The following IGSF10 variants were observed in gnomAD, a reference collection of about 807,000 sequenced individuals.
The protein encoded by IGSF10 is immunoglobulin superfamily member 10.
In IGSF10, 126 loss-of-function variants were observed where a neutral mutation model predicts 128.2. The ratio of observed to expected loss-of-function variants is 0.98; its 90% confidence interval spans 0.85 to 1.14. The LOEUF (loss-of-function observed/expected upper bound fraction) is 1.14, where lower values mean the gene tolerates loss of function less well. Ranked by LOEUF, IGSF10 falls within the 50% of genes most tolerant of loss-of-function variation. The probability of loss-of-function intolerance (pLI) is 0.00; values close to 1 mark genes in which losing one functional copy is unlikely to be tolerated. For missense variants in IGSF10, 3,295 were observed against 3,149.8 expected, an observed-to-expected ratio of 1.05 and a Z score of -1.10; for synonymous variants, 1,185 against 1,146.2, an observed-to-expected ratio of 1.03 and a Z score of -0.68.
At position 151,444,985 on chromosome 3, in the gene IGSF10, C is replaced by T. The variant is rs750334219; in HGVS notation, c.4996G>A (p.Ala1666Thr). The change falls in exon 6 of 8, where the codon GCC becomes ACC. Residue 1666 changes from alanine to threonine, a missense_variant. By Grantham distance (58) the Ala-to-Thr change is moderately conservative. Coordinates refer to ENST00000282466, the MANE Select transcript of IGSF10 (RefSeq NM_178822.5). ...ASFTIPANSDAFLPCEAVGNP... is the reference protein window; with the variant it reads ...ASFTIPANSDTFLPCEAVGNP... ...CCAACAGCTTCACAGGGAAGAAAGG[C>T]ATCTGAGTTAGCTGGAATAGTAAAA... is the stretch of plus-strand genomic sequence containing the variant. 3.7e-6 allele frequency: 6 copies of T among 1,613,976 alleles called. No individual in the cohort carries two copies. In the Admixed American group the frequency reaches 1.0e-4, roughly 27 times the overall value.
At chr3:151,444,807 C>A in intron 6 of IGSF10, 112 bp downstream of exon 6, 1 of 981,730 alleles carries the variant, frequency 1.0e-6, no homozygotes, top group Non-Finnish European at 1.5e-6. Flanking sequence ...GTTTCTTTGT[C>A]TTAGAAAAAT....
chr3:151,550,165 GA>G, the IGSF10 span, among the ~76,000 whole-genome samples: 1 of 152,110 alleles, frequency 6.6e-6, no homozygotes, highest in Non-Finnish European at 1.5e-5. Context: ...AATAGTAAGA[GA>G]AAAATGAATC....
chr3:151,614,055 A>C, the IGSF10 span, among the ~76,000 whole-genome samples: 2 of 152,378 alleles, frequency 1.3e-5, no homozygotes, highest in East Asian at 1.9e-4. Context: ...ATGCAGGCAA[A>C]AAACACATGA....
chr3:151,534,354 T>C, the IGSF10 span, among the ~76,000 whole-genome samples: 2 of 152,116 alleles, frequency 1.3e-5, no homozygotes, highest in East Asian at 1.9e-4. Flanking sequence ...CACATGCACA[T>C]GTATGTTTAT....
rs1720608383 is a variant in IGSF10, at chr3:151,438,607, A to C, written c.5964-10T>G. 6.3e-6 allele frequency: 10 copies of C among 1,599,522 alleles called. No individual in the cohort carries two copies. Among genetic ancestry groups the C allele is most frequent in the Non-Finnish European group, 8.5e-6 (10 of 1,170,254 alleles). On this transcript the variant is annotated splice_polypyrimidine_tract_variant and intron_variant, in intron 7 of 7. Coordinates refer to ENST00000282466, the MANE Select transcript of IGSF10 (RefSeq NM_178822.5). ...GATCCAGCTGCCCACTCTAAGGAGA[A>C]AAGAGATTCATTTGAGTGTGCAGCT...
intron 4 of IGSF10, among the ~76,000 whole-genome samples, chr3:151,456,407 TTAATAG>T (rs1259770241): frequency 6.6e-6 from 1 of 152,240 alleles, no homozygotes. Context: ...AGTTTAAGTT[TTAATAG>T]ATGTCATGTA....
Position 151,436,981 on chromosome 3 carries a change from G to C in IGSF10, c.7580C>G (p.Pro2527Arg), listed in dbSNP as rs763220754. The C allele has an allele frequency of 3.7e-6, 6 of 1,614,088 alleles. 1 individual carries two copies. The South Asian group carries it at 5.5e-5, about 15-fold the overall frequency. Residue 2527 changes from proline (P) to arginine (R), a missense_variant, in exon 8 of 8, where the codon CCT becomes CGT. Physicochemically the swap from Pro to Arg is moderately radical, Grantham distance 103. Transcript: ENST00000282466. ...ITVPVMIVAY[P>R]PRITNRPPRS... Reference sequence around the variant, plus strand: ...GGGTGGACGATTTGTAATTCGGGGAGGGTAGGCTACAATCATTACTGGAAC... The same window carrying C: ...GGGTGGACGATTTGTAATTCGGGGACGGTAGGCTACAATCATTACTGGAAC...
At chr3:151,534,416 A>T in the IGSF10 span, among the ~76,000 whole-genome samples, 3 of 152,242 alleles carry the variant, frequency 2.0e-5, no homozygotes, top group East Asian at 5.8e-4. Context: ...AATGCCCATC[A>T]ATGATAGACC....
In IGSF10 at chr3:151,437,098, T is replaced by C. The variant is rs774547720; in HGVS notation, c.7463A>G (p.Asn2488Ser). 38 of 1,614,210 alleles carry C rather than the reference T, an allele frequency of 2.4e-5. No homozygotes were observed. The highest frequency in any genetic ancestry group is 3.0e-5 in the Non-Finnish European group (35 of 1,180,026). ...TGCTTCTTTAATGACTAAGGTGCCA[T>C]TGTCATGCAATATGTATTTCCCATT... ...QINGKYILHD[N>S]GTLVIKEATA... is the part of the protein sequence containing the mutation. The change falls in exon 8 of 8, where the codon AAT (asparagine) becomes AGT (serine). Residue 2488 changes from asparagine (N) to serine (S), a missense_variant. Coordinates refer to ENST00000282466, the MANE Select transcript of IGSF10 (RefSeq NM_178822.5).
the IGSF10 span, among the ~76,000 whole-genome samples, chr3:151,493,985 C>A: frequency 1.3e-5 from 2 of 151,848 alleles, no homozygotes; most frequent in Non-Finnish European, 2.9e-5. Context: ...AACAGTAGAA[C>A]TCAAGAGCAT....
chr3:151,568,209 T>C, the IGSF10 span, among the ~76,000 whole-genome samples: 2 of 152,194 alleles, frequency 1.3e-5, no homozygotes, highest in Non-Finnish European at 2.9e-5. Context: ...GTATTTATGA[T>C]TATTATAATA....
At chr3:151,497,578 G>A in the IGSF10 span, among the ~76,000 whole-genome samples, 1 of 152,172 alleles carries the variant, frequency 6.6e-6, no homozygotes, top group Non-Finnish European at 1.5e-5. Flanking sequence ...GGTTACTGTA[G>A]CCTTGTAGTA....
intron 4 of IGSF10, 47 bp downstream of exon 4, chr3:151,456,979 G>T (rs1560182770): frequency 1.2e-6 from 2 of 1,607,208 alleles, no homozygotes; most frequent in Admixed American, 3.3e-5. Flanking sequence ...TATCTCACAG[G>T]TCCCACCTTA....
the IGSF10 span, among the ~76,000 whole-genome samples, chr3:151,600,127 A>G: frequency 1.3e-5 from 2 of 152,108 alleles, no homozygotes; most frequent in Admixed American, 6.6e-5. Flanking sequence ...TTTGTTTTCT[A>G]TTTTTATCAG....
chr3:151,454,191 T>G (rs1721666006), intron 4 of IGSF10, among the ~76,000 whole-genome samples: 1 of 151,904 alleles, frequency 6.6e-6, no homozygotes, highest in Non-Finnish European at 1.5e-5. Context: ...CTAATTTTTG[T>G]AGTTTTAGTA....
the IGSF10 span, among the ~76,000 whole-genome samples, chr3:151,502,271 A>G: frequency 2.6e-5 from 4 of 152,030 alleles, no homozygotes; most frequent in Admixed American, 1.3e-4. Flanking sequence ...AGTATCAACA[A>G]CAAGTTCAGG....
At chr3:151,597,208 G>A in the IGSF10 span, among the ~76,000 whole-genome samples, 4 of 152,174 alleles carry the variant, frequency 2.6e-5, no homozygotes, top group Non-Finnish European at 5.9e-5. Context: ...GCACTGTGTA[G>A]GTGTTGTGGA....
At chr3:151,562,062 C>T in the IGSF10 span, among the ~76,000 whole-genome samples, 1 of 152,070 alleles carries the variant, frequency 6.6e-6, no homozygotes, top group Non-Finnish European at 1.5e-5. Flanking sequence ...GCTGCATTCC[C>T]AGGAGGATAA....
the IGSF10 span, among the ~76,000 whole-genome samples, chr3:151,612,332 A>G: frequency 6.6e-6 from 1 of 152,198 alleles, no homozygotes; most frequent in Non-Finnish European, 1.5e-5. Context: ...TTCATAGTAC[A>G]ATCCTAGGCT....
Sources: gnomAD v4.1 joint callset for allele counts (sites outside exome capture counted in the v4.1 genomes callset) on GRCh38, gnomAD v4.1.1 for gene constraint, MANE v1.5 for transcripts, NCBI Gene and HGNC (gene_info 2026-07-23, HGNC 2026-07-21) for gene names.